The following MAF variants were observed in gnomAD, a reference collection of about 807,000 sequenced individuals.
MAF encodes the protein MAF bZIP transcription factor, also known as transcription factor Maf.
MAF carries 10 observed loss-of-function variants against 22.0 expected under a neutral mutation model. The ratio of observed to expected loss-of-function variants is 0.45; its 90% CI spans 0.28 to 0.77. The LOEUF (loss-of-function observed/expected upper bound fraction) is 0.77. MAF is among the 30% of genes least tolerant of loss of function. The pLI is 0.12. For synonymous variants in MAF, 337 were observed against 255.8 expected, an observed-to-expected ratio of 1.32 and a Z score of -3.03; for missense variants, 544 against 548.4, an observed-to-expected ratio of 0.99 and a Z score of 0.08.
the MAF span, among the ~76,000 whole-genome samples, chr16:79,514,161 G>A: frequency 6.6e-6 from 1 of 152,190 alleles, no homozygotes; most frequent in Non-Finnish European, 1.5e-5. Context: ...ATTGCACGGG[G>A]GAAATAAGCT....
At chr16:79,453,833 A>G in the MAF span, among the ~76,000 whole-genome samples, 1 of 152,206 alleles carries the variant, frequency 6.6e-6, no homozygotes, top group Non-Finnish European at 1.5e-5. Context: ...TTCCTTTCTT[A>G]AAGTCTGGAC....
At chr16:79,489,984 T>C in the MAF span, among the ~76,000 whole-genome samples, 1 of 151,884 alleles carries the variant, frequency 6.6e-6, no homozygotes, top group East Asian at 1.9e-4. Context: ...ATAAGGTAGA[T>C]GGAAAAAAGC....
chr16:79,395,224 C>A, the MAF span, among the ~76,000 whole-genome samples: 2 of 152,062 alleles, frequency 1.3e-5, no homozygotes, highest in African/African-American at 4.8e-5. Flanking sequence ...CTGTCAGGGC[C>A]TGGATGCAAA....
the MAF span, among the ~76,000 whole-genome samples, chr16:79,559,413 G>T: frequency 6.6e-6 from 1 of 152,090 alleles, no homozygotes; most frequent in Non-Finnish European, 1.5e-5. Flanking sequence ...AAATAAACTG[G>T]GTCTTCCAGA....
the MAF span, among the ~76,000 whole-genome samples, chr16:79,518,555 C>G: frequency 6.6e-6 from 1 of 152,242 alleles, no homozygotes. Context: ...CCAACTGTGA[C>G]CAGCTATCTG....
At chr16:79,333,077 G>C in the MAF span, among the ~76,000 whole-genome samples, 19 of 152,228 alleles carry the variant, frequency 1.2e-4, no homozygotes, top group Admixed American at 1.2e-3. Flanking sequence ...GTCAGCATAA[G>C]GATAGGCGCT....
chr16:79,217,424 C>T, the MAF span, among the ~76,000 whole-genome samples: 1 of 152,238 alleles, frequency 6.6e-6, no homozygotes, highest in Non-Finnish European at 1.5e-5. Flanking sequence ...TAAGAATGAG[C>T]TCTGGCTCTT....
chr16:79,225,120 A>C, the MAF span, among the ~76,000 whole-genome samples: 1 of 152,238 alleles, frequency 6.6e-6, no homozygotes, highest in Admixed American at 6.5e-5. Flanking sequence ...GGATACTACA[A>C]GGCTACAATA....
chr16:79,377,795 C>A, the MAF span, among the ~76,000 whole-genome samples: 2 of 152,126 alleles, frequency 1.3e-5, no homozygotes, highest in African/African-American at 4.8e-5. Flanking sequence ...ATCCTTTCCC[C>A]ATTTCTTGTT....
the MAF span, among the ~76,000 whole-genome samples, chr16:79,549,200 C>T: frequency 9.9e-5 from 15 of 152,038 alleles, no homozygotes; most frequent in African/African-American, 3.1e-4. Flanking sequence ...GCAAGAGTGT[C>T]CAGTGGCATT....
the MAF span, among the ~76,000 whole-genome samples, chr16:79,239,253 G>C: frequency 6.6e-6 from 1 of 152,058 alleles, no homozygotes; most frequent in Non-Finnish European, 1.5e-5. Flanking sequence ...TAGGCTCCTA[G>C]TTTGTGCGCA....
At chr16:79,252,691 T>C in the MAF span, among the ~76,000 whole-genome samples, 8 of 152,162 alleles carry the variant, frequency 5.3e-5, no homozygotes, top group Admixed American at 5.2e-4. Flanking sequence ...GGTTTCACCA[T>C]GTTGGCCAGG....
chr16:79,570,598 C>T, the MAF span, among the ~76,000 whole-genome samples: 4 of 152,194 alleles, frequency 2.6e-5, no homozygotes, highest in Admixed American at 6.5e-5. Context: ...GGGAAGCTCA[C>T]GCAATGGTGT....
At chr16:79,267,272 A>G in the MAF span, among the ~76,000 whole-genome samples, 1 of 151,998 alleles carries the variant, frequency 6.6e-6, no homozygotes, top group Non-Finnish European at 1.5e-5. Flanking sequence ...TATGAAAATC[A>G]CTCTATGGAG....
At chr16:79,576,204 G>A in the MAF span, among the ~76,000 whole-genome samples, 1 of 125,040 alleles carries the variant, frequency 8.0e-6, no homozygotes, top group Non-Finnish European at 1.6e-5. Flanking sequence ...TTCATGGGGA[G>A]AGATTAATAA....
the MAF span, among the ~76,000 whole-genome samples, chr16:79,440,335 C>G: frequency 1.2e-4 from 19 of 152,212 alleles, no homozygotes; most frequent in African/African-American, 4.6e-4. Context: ...TGCCTTTGTA[C>G]CAGTGTGGTG....
chr16:79,292,994 G>A, the MAF span, among the ~76,000 whole-genome samples: 1 of 152,260 alleles, frequency 6.6e-6, no homozygotes, highest in Admixed American at 6.5e-5. Context: ...GAAAACTCAT[G>A]AATAGTCTAC....
At chr16:79,212,180 C>T in the MAF span, 13 of 1,478,916 alleles carry the variant, frequency 8.8e-6, no homozygotes, top group Admixed American at 4.8e-5. Flanking sequence ...CCACTGCAGC[C>T]GGGGGCTGGC....
At chr16:79,464,495 G>T in the MAF span, among the ~76,000 whole-genome samples, 1 of 152,296 alleles carries the variant, frequency 6.6e-6, no homozygotes, top group East Asian at 1.9e-4. Context: ...ATGATTTCAT[G>T]CTTGCCCTGC....
Sources: gnomAD v4.1 joint callset for allele counts (sites outside exome capture counted in the v4.1 genomes callset) on GRCh38, gnomAD v4.1.1 for gene constraint, MANE v1.5 for transcripts, NCBI Gene and HGNC (gene_info 2026-07-23, HGNC 2026-07-21) for gene names.